The following ZBTB40 variants were observed in gnomAD, a reference collection of about 807,000 sequenced individuals.
ZBTB40 encodes the protein zinc finger and BTB domain containing 40, also known as zinc finger and BTB domain-containing protein 40.
A neutral mutation model predicts 117.5 loss-of-function variants in ZBTB40; 60 were observed. The observed-to-expected ratio is 0.51, with a 90% confidence interval of 0.41 to 0.63. The LOEUF is 0.63. Among genes scored for constraint, ZBTB40 ranks in the 30% least tolerant of loss-of-function variants. ZBTB40 has a pLI of 0.00. For missense variants in ZBTB40, 1,287 were observed against 1,498.5 expected (o/e 0.86, Z 2.33); for synonymous variants, 525 against 577.1 (o/e 0.91, Z 1.29).
At chr1:22,447,044 A>G (rs936373131), upstream of ZBTB40, among the ~76,000 whole-genome samples, 11 of 151,948 alleles carry the variant, frequency 7.2e-5, no homozygotes, top group Non-Finnish European at 4.4e-5. Context: ...TCGAGGCTGC[A>G]GTGAGCCATG....
rs1427542436 is a variant in ZBTB40 at position 22,509,124 on chromosome 1, T to C, written c.1724T>C (p.Leu575Ser). 3 of 1,614,008 alleles carry C rather than the reference T, an allele frequency of 1.9e-6. No homozygotes were observed. The highest frequency in any genetic ancestry group is 2.7e-5 in the African/African-American group (2 of 74,916). Residue 575 changes from leucine to serine, a missense_variant, in exon 9 of 18, where the codon TTA becomes TCA. Coordinates refer to ENST00000375647, the MANE Select transcript of ZBTB40 (RefSeq NM_014870.4). ...RAVTTPEHATLETILRHNQLI... is the reference protein window; with the variant it reads ...RAVTTPEHATSETILRHNQLI... ...GTGACCACCCCAGAACATGCCACTT[T>C]AGAAACAATCCTGAGGCATAACCAG...
chr1:22,468,444 A>G (rs1641310101), intron 1 of ZBTB40, among the ~76,000 whole-genome samples: 1 of 148,326 alleles, frequency 6.7e-6, no homozygotes, highest in South Asian at 2.1e-4. Context: ...TTCTTTTTAA[A>G]ATTTAAAATG....
chr1:22,480,958 C>G (rs1346202729), intron 1 of ZBTB40, among the ~76,000 whole-genome samples: 1 of 152,152 alleles, frequency 6.6e-6, no homozygotes, highest in Admixed American at 6.5e-5. Context: ...AACTCCCCAC[C>G]TTCTACCTGC....
intron 1 of ZBTB40, among the ~76,000 whole-genome samples, chr1:22,481,530 A>G (rs561104051): frequency 3.7e-4 from 57 of 152,152 alleles, no homozygotes; most frequent in African/African-American, 1.3e-3. Context: ...TTAGTTGTTC[A>G]CAAAAACATT....
chr1:22,489,639 G>A (rs1309823289), intron 1 of ZBTB40, among the ~76,000 whole-genome samples: 7 of 150,028 alleles, frequency 4.7e-5, no homozygotes, highest in South Asian at 2.1e-4. Context: ...CCACTGAATC[G>A]TTGTGAGAAT....
Position 22,471,037 on chromosome 1 carries a change from T to G in ZBTB40, c.-69-18843T>G, listed in dbSNP as rs139131657. On this transcript the variant is annotated intron_variant, in intron 1 of 17. Transcript: ENST00000375647. ...ATGAATTGCCTTTCTGATTTGTGCT[T>G]CTTCTGTGTCTAGATAGTGCTATCC... is the stretch of plus-strand genomic sequence containing the variant. Among the ~76,000 whole-genome samples the G allele has an allele frequency of 9.2e-5, 14 of 152,366 alleles. No individual in the cohort carries two copies. The East Asian group carries it at 2.3e-3, about 25-fold the overall frequency.
chr1:22,472,277 G>C lies in ZBTB40; in HGVS notation c.-69-17603G>C, dbSNP rs370754619. On this transcript the variant is annotated intron_variant, in intron 1 of 17. Coordinates refer to ENST00000375647, the MANE Select transcript of ZBTB40 (RefSeq NM_014870.4). The stretch of plus-strand genomic sequence containing the variant: ...TGGCTCACTGAAGCCTCAACCTCCT[G>C]GGCTCAAGTGATCCTTCCACCTCAG... Among the ~76,000 whole-genome samples, 7 of 151,702 alleles carry C rather than the reference G, an allele frequency of 4.6e-5. No homozygotes were observed. The East Asian group carries it at 5.8e-4, about 13-fold the overall frequency.
In ZBTB40 at chr1:22,526,640, G is replaced by A. The variant is rs1569900372; in HGVS notation, c.*244G>A. 2.5e-5 allele frequency: 13 copies of A among 521,830 alleles called. No individual in the cohort carries two copies. The highest frequency in any genetic ancestry group is 5.3e-4 in the Middle Eastern group (1 of 1,872). The allele number at this position is 521,830 out of a possible 1,614,324, so 32.3% of individuals were successfully genotyped here. ...GACAGGCCTCCCTCCCCACAGGCCC[G>A]CTGCTGCGGCCTCTATGACACTGTC... On this transcript the variant is annotated 3_prime_UTR_variant, in exon 18 of 18. Transcript: ENST00000375647.
At position 22,473,906 on chromosome 1, in the gene ZBTB40, C is replaced by T. The variant is rs188044023; in HGVS notation, c.-69-15974C>T. On this transcript the variant is annotated intron_variant, in intron 1 of 17. Coordinates refer to ENST00000375647, the MANE Select transcript of ZBTB40 (RefSeq NM_014870.4). The stretch of plus-strand genomic sequence containing the variant: ...TTTGCCATTTATTAGCTCTGTGGCC[C>T]TTAACAAGGCAGTTAACATCTCGGA... Among the ~76,000 whole-genome samples the T allele has an allele frequency of 3.9e-5, 6 of 152,204 alleles. No homozygotes were observed. The East Asian group carries it at 9.6e-4, about 24-fold the overall frequency.
intron 17 of ZBTB40, among the ~76,000 whole-genome samples, chr1:22,525,172 A>G (rs1639643343): frequency 1.3e-5 from 2 of 152,198 alleles, no homozygotes; most frequent in Non-Finnish European, 2.9e-5. Flanking sequence ...ACTCCCGCCA[A>G]CACTCTGCTG....
intron 1 of ZBTB40, among the ~76,000 whole-genome samples, chr1:22,470,266 G>GAC (rs1641368386): frequency 6.6e-6 from 1 of 152,204 alleles, no homozygotes; most frequent in Non-Finnish European, 1.5e-5. Context: ...GCATAATTCT[G>GAC]ACTGTTATCC....
chr1:22,502,728 CGGACGGAT>C (rs1638975320), intron 5 of ZBTB40, among the ~76,000 whole-genome samples: 1 of 151,976 alleles, frequency 6.6e-6, no homozygotes, highest in African/African-American at 2.4e-5. Flanking sequence ...GATGGACGGA[CGGACGGAT>C]GGACCGATGG....
intron 1 of ZBTB40, among the ~76,000 whole-genome samples, chr1:22,443,104 C>A (rs867295815): frequency 1.3e-5 from 2 of 152,136 alleles, no homozygotes. Context: ...TACTCCAGAA[C>A]GTTACGTTCT....
rs1388095700 is a variant in ZBTB40, at chr1:22,506,198, G to C, written c.1317G>C (p.Leu439=). ...VKTTFPNLGL[L]LEKLQKSATL... Reference sequence around the variant, plus strand: ...CGACTTTCCCAAACCTGGGCCTTCTGCTAGAGAAGTTGCAGAAATCAGCCA... The same window carrying C: ...CGACTTTCCCAAACCTGGGCCTTCTCCTAGAGAAGTTGCAGAAATCAGCCA... Residue 439 remains leucine, a synonymous_variant, in exon 6 of 18, where the codon CTG becomes CTC. Coordinates refer to ENST00000375647, the MANE Select transcript of ZBTB40 (RefSeq NM_014870.4). The C allele has an allele frequency of 6.2e-7, 1 of 1,614,184 alleles. No individual in the cohort carries two copies. Among genetic ancestry groups the C allele is most frequent in the South Asian group, 1.1e-5 (1 of 91,088 alleles).
intron 16 of ZBTB40, among the ~76,000 whole-genome samples, chr1:22,523,442 G>T (rs1371155973): frequency 6.6e-6 from 1 of 152,164 alleles, no homozygotes; most frequent in Non-Finnish European, 1.5e-5. Context: ...ATTAAGGGAA[G>T]AATCCAGCTT....
At chr1:22,520,716 T>C (rs1402750892) in intron 14 of ZBTB40, among the ~76,000 whole-genome samples, 2 of 152,208 alleles carry the variant, frequency 1.3e-5, no homozygotes, top group Non-Finnish European at 2.9e-5. Flanking sequence ...GGATTTGATA[T>C]GTAATTAAAG....
chr1:22,452,676 C>T (rs777101728), intron 1 of ZBTB40: 3 of 152,344 alleles, frequency 2.0e-5, no homozygotes, highest in Non-Finnish European at 4.4e-5. Context: ...TTACTGACCC[C>T]TGCCCTAAAC....
upstream of ZBTB40, among the ~76,000 whole-genome samples, chr1:22,450,153 C>G (rs1195550833): frequency 3.3e-5 from 5 of 152,210 alleles, no homozygotes; most frequent in African/African-American, 9.6e-5. Context: ...CCATGTTGGC[C>G]AGGCTGGTCT....
intron 1 of ZBTB40, among the ~76,000 whole-genome samples, chr1:22,429,885 C>G (rs1057216195): frequency 1.3e-5 from 2 of 152,164 alleles, no homozygotes; most frequent in South Asian, 4.1e-4. Context: ...ATTCCAGCTA[C>G]CCGGGAGGCT....
Sources: allele counts gnomAD v4.1 joint callset (sites outside exome capture counted in the v4.1 genomes callset), GRCh38; gene constraint gnomAD v4.1.1; transcripts MANE v1.5; gene names NCBI Gene and HGNC (gene_info 2026-07-23, HGNC 2026-07-21).